ENOX1: variants seen among roughly 807,000 people sequenced by gnomAD.
ENOX1 encodes ecto-NOX disulfide-thiol exchanger 1.
A neutral mutation model predicts 82.5 loss-of-function variants in ENOX1; 42 were observed. That is an observed-to-expected ratio of 0.51 (90% confidence interval 0.40 to 0.66). The LOEUF is 0.66. Ranked by LOEUF, ENOX1 falls within the 30% of genes least tolerant of loss-of-function variation. ENOX1 has a pLI of 0.00. For missense variants in ENOX1, 608 were observed against 811.6 expected (o/e 0.75, Z 3.05); for synonymous variants, 271 against 282.2 (o/e 0.96, Z 0.40).
chr13:43,415,809 C>G (rs906459772), intron 3 of ENOX1, among the ~76,000 whole-genome samples: 1 of 151,394 alleles, frequency 6.6e-6, no homozygotes, highest in Non-Finnish European at 1.5e-5. Flanking sequence ...CGGGCAGAAG[C>G]GCTCCTCACT....
chr13:43,258,428 G>A (rs1204223708), intron 14 of ENOX1, among the ~76,000 whole-genome samples: 1 of 152,184 alleles, frequency 6.6e-6, no homozygotes, highest in African/African-American at 2.4e-5. Context: ...ATAGGGGCAG[G>A]GGTTGTAGAG....
chr13:43,448,753 C>A (rs1378443768), intron 3 of ENOX1, among the ~76,000 whole-genome samples: 5 of 152,142 alleles, frequency 3.3e-5, no homozygotes, highest in Admixed American at 3.3e-4. Flanking sequence ...TTGGGTAATT[C>A]ATGCATCAGC....
intron 5 of ENOX1, among the ~76,000 whole-genome samples, chr13:43,376,671 A>G (rs1044098103): frequency 6.6e-6 from 1 of 152,230 alleles, no homozygotes; most frequent in Non-Finnish European, 1.5e-5. Flanking sequence ...AAAGTCATAC[A>G]TGTAAGAGGT....
At chr13:43,579,030 C>T (rs1341266632) in intron 2 of ENOX1, among the ~76,000 whole-genome samples, 2 of 151,228 alleles carry the variant, frequency 1.3e-5, no homozygotes, top group African/African-American at 2.4e-5. Context: ...GCTTGTGTGG[C>T]CTTGGGTAAG....
chr13:43,650,930 G>A (rs9533567), intron 2 of ENOX1, among the ~76,000 whole-genome samples: 22,756 of 152,142 alleles, frequency 0.15, 2,085 homozygotes, highest in East Asian at 0.39. Context: ...ACCTCATCAC[G>A]TCCCTCAATC....
In ENOX1 at chr13:43,412,702, T is replaced by C. The variant is rs113361039; in HGVS notation, c.70+143A>G. 1.5e-3 allele frequency: 1,269 copies of C among 842,972 alleles called. 9 individuals carry two copies. The African/African-American group carries it at 0.019, about 13-fold the overall frequency. The allele number at this position is 842,972 out of a possible 1,614,324, so 52.2% of individuals were successfully genotyped here. On this transcript the variant is annotated intron_variant, in intron 4 of 16. Coordinates refer to ENST00000690772, the MANE Select transcript of ENOX1 (RefSeq NM_001347969.2). ...TGTGTCAAATTTGACTTAGTGCTCT[T>C]TCATTTTCACTAGTTCTACAGACTG...
intron 3 of ENOX1, among the ~76,000 whole-genome samples, chr13:43,462,947 T>C (rs1416658636): frequency 2.0e-5 from 3 of 152,222 alleles, no homozygotes; most frequent in African/African-American, 4.8e-5. Context: ...AGGTAGTGCA[T>C]AGTCGTTACG....
chr13:43,605,185 T>C (rs9533549), intron 2 of ENOX1, among the ~76,000 whole-genome samples: 150,413 of 152,198 alleles, frequency 0.99, 74,349 homozygotes, highest in Middle Eastern at 1. Flanking sequence ...GAAAGATATT[T>C]CATGTGCATG....
chr13:43,590,482 A>G (rs1173391486), intron 2 of ENOX1, among the ~76,000 whole-genome samples: 1 of 152,156 alleles, frequency 6.6e-6, no homozygotes, highest in Non-Finnish European at 1.5e-5. Context: ...CATAGAATAC[A>G]TTGAAAAATG....
At position 43,510,328 on chromosome 13, in the gene ENOX1, T is replaced by A. The variant is rs117313619; in HGVS notation, c.-218-26176A>T. ...ACTAACATTGTAATTACTTATACAATCCTTTTAAGAATGTAAGTTCCATGA... is the reference window on the plus strand; with the variant it reads ...ACTAACATTGTAATTACTTATACAAACCTTTTAAGAATGTAAGTTCCATGA... On this transcript the variant is annotated intron_variant, in intron 2 of 16. Transcript: ENST00000690772. Among the ~76,000 whole-genome samples, 1,339 of 152,218 alleles carry A rather than the reference T, an allele frequency of 8.8e-3. 14 individuals are homozygous for A. Among genetic ancestry groups the A allele is most frequent in the Non-Finnish European group, 0.011 (737 of 68,006 alleles).
At chr13:43,612,141 C>A (rs1014552067) in intron 2 of ENOX1, among the ~76,000 whole-genome samples, 1 of 152,110 alleles carries the variant, frequency 6.6e-6, no homozygotes, top group African/African-American at 2.4e-5. Context: ...AAAGGAAAAA[C>A]ATTTCAACTA....
intron 2 of ENOX1, among the ~76,000 whole-genome samples, chr13:43,598,322 C>G (rs1222732813): frequency 6.6e-6 from 1 of 152,202 alleles, no homozygotes; most frequent in African/African-American, 2.4e-5. Context: ...TTGCTCCATG[C>G]TTTCTCCACA....
At chr13:43,505,138 A>C (rs1195785244) in intron 2 of ENOX1, among the ~76,000 whole-genome samples, 1 of 151,926 alleles carries the variant, frequency 6.6e-6, no homozygotes, top group Non-Finnish European at 1.5e-5. Flanking sequence ...CATGAGATTT[A>C]TACTTGTTCT....
intron 5 of ENOX1, among the ~76,000 whole-genome samples, chr13:43,380,016 G>A (rs756152009): frequency 2.1e-4 from 32 of 151,686 alleles, no homozygotes; most frequent in Non-Finnish European, 4.1e-4. Flanking sequence ...CACCTTTAAA[G>A]AACTGAAATT....
intron 14 of ENOX1, among the ~76,000 whole-genome samples, chr13:43,252,258 T>G (rs1229935417): frequency 6.6e-6 from 1 of 152,090 alleles, no homozygotes; most frequent in Non-Finnish European, 1.5e-5. Context: ...GCAAGGACAG[T>G]TTCAAGCTGG....
At chr13:43,321,029 G>T (rs532676622) in intron 11 of ENOX1, 1 of 456,158 alleles carries the variant, frequency 2.2e-6, no homozygotes, top group African/African-American at 2.0e-5. Flanking sequence ...TAAGTGCTGG[G>T]TTCATTTTTC....
chr13:43,432,648 A>C (rs1039916598), intron 3 of ENOX1, among the ~76,000 whole-genome samples: 1 of 152,230 alleles, frequency 6.6e-6, no homozygotes, highest in Admixed American at 6.5e-5. Context: ...GTCTCAAAAA[A>C]TGAATAAATA....
chr13:43,530,216 T>G lies in ENOX1; in HGVS notation c.-218-46064A>C, dbSNP rs144970108. On this transcript the variant is annotated intron_variant, in intron 2 of 16. Transcript: ENST00000690772. ...GGAGATAGCAAGTTTGACATTGATA[T>G]TGTTAAGAACTAAAGTATATGATCA... Among the ~76,000 whole-genome samples, 1,164 of 152,278 alleles carry G rather than the reference T, an allele frequency of 7.6e-3. 12 individuals are homozygous for G. The highest frequency in any genetic ancestry group is 0.026 in the African/African-American group (1,077 of 41,572).
intron 16 of ENOX1, among the ~76,000 whole-genome samples, chr13:43,214,909 A>G (rs1422548861): frequency 1.3e-5 from 2 of 152,122 alleles, no homozygotes; most frequent in South Asian, 2.1e-4. Flanking sequence ...AATATCCCCA[A>G]AATTTGGGGT....
Sources: gnomAD v4.1 joint callset for allele counts (sites outside exome capture counted in the v4.1 genomes callset) on GRCh38, gnomAD v4.1.1 for gene constraint, MANE v1.5 for transcripts, NCBI Gene and HGNC (gene_info 2026-07-23, HGNC 2026-07-21) for gene names.